The following LRRC7 variants were observed in gnomAD, a reference collection of about 807,000 sequenced individuals.
LRRC7 encodes the protein leucine-rich repeat-containing protein 7.
In LRRC7, 23 loss-of-function variants were observed where a neutral mutation model predicts 175.7. That is an observed-to-expected ratio of 0.13 (90% CI 0.09 to 0.19). The LOEUF (loss-of-function observed/expected upper bound fraction) is 0.19, where lower values mean the gene tolerates loss of function less well. Among genes scored for constraint, LRRC7 ranks in the 10% least tolerant of loss-of-function variants. The probability of loss-of-function intolerance (pLI) is 1.00; values close to 1 mark genes in which losing one functional copy is unlikely to be tolerated. For missense variants in LRRC7, 1,354 were observed against 1,904.7 expected (o/e 0.71, Z 5.38); for synonymous variants, 685 against 680.9 (o/e 1.01, Z -0.09).
At chr1:69,583,818 T>C (rs891940836) in intron 1 of LRRC7, among the ~76,000 whole-genome samples, 3 of 152,148 alleles carry the variant, frequency 2.0e-5, no homozygotes, top group Admixed American at 1.3e-4. Context: ...TTTCTTTGAT[T>C]GACAAAGGGT....
chr1:70,143,826 A>AAATT lies in LRRC7; in HGVS notation c.*21941_*21944dup, dbSNP rs1054692128. ...TTGAGATAATTGTGATTTTGAGCTT[A>AAATT]AATTATATATAAAAAATTGTCATTT... On this transcript the variant is annotated 3_prime_UTR_variant, in exon 27 of 27. Coordinates refer to ENST00000651989, the MANE Select transcript of LRRC7 (RefSeq NM_001370785.2). The AAATT allele has an allele frequency of 6.6e-6, 1 of 150,834 alleles. No individual in the cohort carries two copies. The highest frequency in any genetic ancestry group is 2.5e-5 in the African/African-American group (1 of 40,106). The allele number at this position is 150,834 out of a possible 1,614,324, so 9.3% of individuals were successfully genotyped here. A position where few individuals can be genotyped will look rare whatever the true frequency, so the allele number is the denominator to read the frequency against.
intron 4 of LRRC7, among the ~76,000 whole-genome samples, chr1:69,795,837 T>C (rs562643715): frequency 1.3e-5 from 2 of 152,266 alleles, no homozygotes; most frequent in South Asian, 4.1e-4. Flanking sequence ...CTATTTTATA[T>C]TAACACCTTT....
intron 5 of LRRC7, among the ~76,000 whole-genome samples, chr1:69,826,736 G>A (rs1489756968): frequency 1.3e-5 from 2 of 152,082 alleles, no homozygotes; most frequent in Non-Finnish European, 2.9e-5. Context: ...AGTGTAGGAG[G>A]CTAGGGGAAA....
intron 2 of LRRC7, among the ~76,000 whole-genome samples, chr1:69,708,832 A>G (rs905208110): frequency 6.6e-6 from 1 of 152,168 alleles, no homozygotes; most frequent in Non-Finnish European, 1.5e-5. Context: ...CAGAAATGGA[A>G]CAATGTGAGC....
chr1:69,816,744 C>T (rs956060020), intron 4 of LRRC7, among the ~76,000 whole-genome samples: 1 of 152,088 alleles, frequency 6.6e-6, no homozygotes, highest in Admixed American at 6.6e-5. Flanking sequence ...TATTAGATCT[C>T]CAGAACTTGT....
intron 8 of LRRC7, among the ~76,000 whole-genome samples, chr1:69,947,526 A>G (rs1034534160): frequency 6.6e-6 from 1 of 152,106 alleles, no homozygotes; most frequent in Non-Finnish European, 1.5e-5. Context: ...ATCATATACA[A>G]AAACTCTACA....
chr1:69,869,181 C>T (rs1238489812), intron 7 of LRRC7, among the ~76,000 whole-genome samples: 1 of 151,802 alleles, frequency 6.6e-6, no homozygotes, highest in Non-Finnish European at 1.5e-5. Flanking sequence ...AGAGATAAAT[C>T]AATAGGTTAT....
chr1:70,073,688 T>G (rs1418040789), intron 23 of LRRC7, among the ~76,000 whole-genome samples: 1 of 152,230 alleles, frequency 6.6e-6, no homozygotes, highest in Non-Finnish European at 1.5e-5. Flanking sequence ...ATGATCACTT[T>G]CAATTAAACT....
At chr1:70,021,183 C>A in intron 16 of LRRC7, 54 bp downstream of exon 16, 2 of 1,555,464 alleles carry the variant, frequency 1.3e-6, no homozygotes, top group Non-Finnish European at 8.8e-7. Flanking sequence ...TTTGTTTGTC[C>A]GTTTTTCTTA....
At chr1:69,911,282 T>A (rs1366152049) in intron 7 of LRRC7, among the ~76,000 whole-genome samples, 1 of 152,246 alleles carries the variant, frequency 6.6e-6, no homozygotes, top group African/African-American at 2.4e-5. Context: ...ATCACCCATC[T>A]TCTGCATCAC....
intron 7 of LRRC7, among the ~76,000 whole-genome samples, chr1:69,847,605 A>G (rs1050537750): frequency 2.6e-5 from 4 of 152,086 alleles, no homozygotes; most frequent in Middle Eastern, 3.2e-3. Flanking sequence ...TAATGACAGC[A>G]CTACCCACAG....
At chr1:69,962,980 AAAAT>A (rs1651269805) in intron 8 of LRRC7, among the ~76,000 whole-genome samples, 1 of 152,020 alleles carries the variant, frequency 6.6e-6, no homozygotes, top group South Asian at 2.1e-4. Context: ...CCCCGAACTT[AAAAT>A]AAAAGTTTTT....
chr1:69,648,936 T>G (rs964522328), intron 1 of LRRC7, among the ~76,000 whole-genome samples: 56 of 152,372 alleles, frequency 3.7e-4, no homozygotes, highest in African/African-American at 1.3e-3. Context: ...GGGATTGTAT[T>G]TTTATGGATT....
chr1:69,836,784 G>T (rs1009606608), intron 6 of LRRC7, among the ~76,000 whole-genome samples: 3 of 151,214 alleles, frequency 2.0e-5, no homozygotes, highest in Non-Finnish European at 3.0e-5. Context: ...TCCTTTACTA[G>T]CAATATACCC....
In LRRC7 at chr1:70,121,850, C is replaced by A. The variant is rs771786861; in HGVS notation, c.4691C>A (p.Thr1564Lys). 2 of 1,611,510 alleles carry A rather than the reference C, an allele frequency of 1.2e-6. No individual in the cohort carries two copies. Among genetic ancestry groups the A allele is most frequent in the East Asian group, 4.5e-5 (2 of 44,778 alleles). The change falls in exon 27 of 27, where the codon ACA becomes AAA. Residue 1564 changes from threonine (T) to lysine (K), a missense_variant. This residue lies in a region of LRRC7 where 53 missense variants were observed against 112.6 expected (regional missense o/e 0.47). Transcript: ENST00000651989. ...AVLLLKSFQNTVDLVIQRELT... is the reference protein window; with the variant it reads ...AVLLLKSFQNKVDLVIQRELT... ...TTACTACTGAAGAGTTTCCAGAACA[C>A]AGTAGACCTAGTTATTCAACGTGAG...
intron 1 of LRRC7, among the ~76,000 whole-genome samples, chr1:69,573,488 G>A (rs989749158): frequency 2.3e-4 from 35 of 151,950 alleles, no homozygotes; most frequent in African/African-American, 8.0e-4. Flanking sequence ...ATTCATTCAC[G>A]ACAGAAATTT....
intron 1 of LRRC7, among the ~76,000 whole-genome samples, chr1:69,629,071 T>C (rs542480939): frequency 7.2e-5 from 11 of 152,242 alleles, no homozygotes; most frequent in African/African-American, 2.6e-4. Flanking sequence ...AGTGCATTTT[T>C]TAGCTATAAC....
At chr1:69,844,196 C>T (rs1033731382) in intron 7 of LRRC7, among the ~76,000 whole-genome samples, 5 of 150,000 alleles carry the variant, frequency 3.3e-5, no homozygotes, top group South Asian at 4.2e-4. Flanking sequence ...TTTTTTTTAT[C>T]GTGGTAAGAC....
intron 1 of LRRC7, among the ~76,000 whole-genome samples, chr1:69,595,790 C>T (rs1282502726): frequency 6.6e-6 from 1 of 152,112 alleles, no homozygotes; most frequent in African/African-American, 2.4e-5. Flanking sequence ...ATTACAAAGA[C>T]TGTACAGATA....
Sources: allele counts gnomAD v4.1 joint callset (sites outside exome capture counted in the v4.1 genomes callset), GRCh38; gene constraint gnomAD v4.1.1; regional missense constraint gnomAD v4.1.1; transcripts MANE v1.5; gene names NCBI Gene and HGNC (gene_info 2026-07-23, HGNC 2026-07-21).